Variants in WASL observed in about 807,000 individuals in gnomAD.
The protein encoded by WASL is actin nucleation-promoting factor WASL.
Under a neutral mutation model 55.5 loss-of-function variants are expected in WASL, and 20 were observed. The ratio of observed to expected loss-of-function variants is 0.36; its 90% confidence interval spans 0.25 to 0.52. The LOEUF is 0.52. Among genes scored for constraint, WASL ranks in the 20% least tolerant of loss-of-function variants. The probability of loss-of-function intolerance (pLI) is 0.92; values close to 1 mark genes in which losing one functional copy is unlikely to be tolerated. For missense variants in WASL, 504 were observed against 622.5 expected (o/e 0.81, Z 2.03); for synonymous variants, 249 against 217.6 (o/e 1.14, Z -1.27).
At chr7:123,729,350 G>GCT (rs1804102569) in intron 1 of WASL, among the ~76,000 whole-genome samples, 6 of 151,954 alleles carry the variant, frequency 3.9e-5, no homozygotes, top group Admixed American at 3.9e-4. Context: ...TTGCTCAATA[G>GCT]CTCATGTGGC....
At chr7:123,696,881 AT>A (rs1584857942) in intron 5 of WASL, 134 bp from the exon 6 acceptor site, 3 of 664,736 alleles carry the variant, frequency 4.5e-6, no homozygotes, top group Non-Finnish European at 6.3e-6. Context: ...AAACTTCTAC[AT>A]TTTTTTCATA....
In WASL at chr7:123,743,751, C is replaced by CT. The variant is rs1804386541; in HGVS notation, c.117+4866dup. Among the ~76,000 whole-genome samples, 3 of 152,298 alleles carry CT rather than the reference C, an allele frequency of 2.0e-5. No homozygotes were observed. The South Asian group carries it at 6.2e-4, about 32-fold the overall frequency. ...TATTTTCCATAATGATTGAATTACTCTTTGAAATCCTTGACTAAGCCCATT... is the reference window on the plus strand; with the variant it reads ...TATTTTCCATAATGATTGAATTACTCTTTTGAAATCCTTGACTAAGCCCATT... On this transcript the variant is annotated intron_variant, in intron 1 of 10. Transcript: ENST00000223023.
chr7:123,692,297 ATT>A, intron 9 of WASL, 48 bp downstream of exon 9: 1 of 1,558,370 alleles, frequency 6.4e-7, no homozygotes. Flanking sequence ...TTACTTTAAA[ATT>A]CCATTATGAT....
intron 1 of WASL, among the ~76,000 whole-genome samples, chr7:123,739,209 T>G (rs1184020539): frequency 1.3e-5 from 2 of 152,246 alleles, no homozygotes; most frequent in African/African-American, 4.8e-5. Flanking sequence ...AGTTCAATCC[T>G]TAAGACTTGA....
intron 1 of WASL, among the ~76,000 whole-genome samples, chr7:123,745,118 A>G (rs1289261284): frequency 2.0e-5 from 3 of 152,176 alleles, no homozygotes; most frequent in Non-Finnish European, 4.4e-5. Context: ...GCTGGTGGTT[A>G]TAATGCCTGC....
chr7:123,734,225 G>C (rs1804188736), intron 1 of WASL, among the ~76,000 whole-genome samples: 1 of 152,082 alleles, frequency 6.6e-6, no homozygotes, highest in South Asian at 2.1e-4. Context: ...AAAAATACAT[G>C]TGAAACACAC....
intron 10 of WASL, among the ~76,000 whole-genome samples, chr7:123,687,922 A>G (rs894934877): frequency 6.6e-6 from 1 of 152,210 alleles, no homozygotes; most frequent in African/African-American, 2.4e-5. Context: ...AACATTTATT[A>G]AGCACCTACT....
Position 123,740,135 on chromosome 7 carries a change from A to C in WASL, c.117+8483T>G, listed in dbSNP as rs10273542. ...ATTTCAGTTTCTAGCTAGTTTATGC[A>C]TCAGTTTATGTATTAGTAAAGGAGT... On this transcript the variant is annotated intron_variant, in intron 1 of 10. Coordinates refer to ENST00000223023, the MANE Select transcript of WASL (RefSeq NM_003941.4). Among the ~76,000 whole-genome samples, 1,254 of 152,216 alleles carry C rather than the reference A, an allele frequency of 8.2e-3. 18 individuals are homozygous for C. The highest frequency in any genetic ancestry group is 0.029 in the African/African-American group (1,189 of 41,532).
chr7:123,690,105 G>T (rs1803376944), intron 9 of WASL, among the ~76,000 whole-genome samples: 4 of 152,116 alleles, frequency 2.6e-5, no homozygotes, highest in Admixed American at 2.6e-4. Context: ...AGATAACAGA[G>T]AGTTTCAGAG....
chr7:123,731,376 A>C (rs971369516), intron 1 of WASL, among the ~76,000 whole-genome samples: 5 of 152,196 alleles, frequency 3.3e-5, no homozygotes, highest in Admixed American at 3.3e-4. Context: ...TAGAGACTTC[A>C]ACACTCCTCT....
chr7:123,683,822 A>G lies in WASL; in HGVS notation c.*697T>C, dbSNP rs1803241296. 1 of 152,048 alleles carries G rather than the reference A, an allele frequency of 6.6e-6. No individual in the cohort carries two copies. Among genetic ancestry groups the G allele is most frequent in the Admixed American group, 6.6e-5 (1 of 15,236 alleles). The allele number at this position is 152,048 out of a possible 1,614,324, so 9.4% of individuals were successfully genotyped here. A position where few individuals can be genotyped will look rare whatever the true frequency, so the allele number is the denominator to read the frequency against. ...CTGTCACATTTGCTACAGCATAAAA[A>G]TAACCCCAGTCAATAACAAGTATTT... On this transcript the variant is annotated 3_prime_UTR_variant, in exon 11 of 11. Transcript: ENST00000223023.
chr7:123,706,615 C>A (rs1279816736), intron 3 of WASL, 125 bp downstream of exon 3: 1 of 841,462 alleles, frequency 1.2e-6, no homozygotes. Flanking sequence ...AATATTTCAT[C>A]TTCAGCAAAA....
At chr7:123,745,019 T>G (rs1044577361) in intron 1 of WASL, among the ~76,000 whole-genome samples, 1 of 152,170 alleles carries the variant, frequency 6.6e-6, no homozygotes, top group Non-Finnish European at 1.5e-5. Flanking sequence ...GCCTCCTCCA[T>G]GAAGCCAATC....
At chr7:123,696,174 T>C (rs1803488747) in intron 6 of WASL, among the ~76,000 whole-genome samples, 1 of 152,068 alleles carries the variant, frequency 6.6e-6, no homozygotes, top group South Asian at 2.1e-4. Context: ...GGTTTCATAA[T>C]GAGCTAATAA....
chr7:123,699,513 T>C (rs1803545038), intron 5 of WASL, among the ~76,000 whole-genome samples: 1 of 152,226 alleles, frequency 6.6e-6, no homozygotes, highest in Admixed American at 6.5e-5. Context: ...AAAAATATTT[T>C]CTGCCACTTT....
At chr7:123,747,475 A>G (rs1804452808) in intron 1 of WASL, among the ~76,000 whole-genome samples, 1 of 152,242 alleles carries the variant, frequency 6.6e-6, no homozygotes, top group Non-Finnish European at 1.5e-5. Flanking sequence ...CTATGAAGTT[A>G]ACAATGAATC....
intron 10 of WASL, among the ~76,000 whole-genome samples, chr7:123,686,514 G>T (rs1263988862): frequency 6.6e-6 from 1 of 151,724 alleles, no homozygotes; most frequent in Admixed American, 6.6e-5. Flanking sequence ...AAAATAAATG[G>T]GTCTGAAAAT....
At chr7:123,706,470 C>A in intron 3 of WASL, 97 bp from the exon 4 acceptor site, 2 of 1,197,140 alleles carry the variant, frequency 1.7e-6, no homozygotes, top group Non-Finnish European at 2.3e-6. Context: ...TTCTAAAGAA[C>A]GAAAGGTTAA....
intron 1 of WASL, among the ~76,000 whole-genome samples, chr7:123,746,949 T>G (rs1014545329): frequency 1.3e-5 from 2 of 152,228 alleles, no homozygotes; most frequent in African/African-American, 4.8e-5. Context: ...GCAACTGAAT[T>G]TTTTTCATTG....
Sources: gnomAD v4.1 joint callset for allele counts (sites outside exome capture counted in the v4.1 genomes callset) on GRCh38, gnomAD v4.1.1 for gene constraint, MANE v1.5 for transcripts, NCBI Gene and HGNC (gene_info 2026-07-23, HGNC 2026-07-21) for gene names.